AKAP6: variants seen among roughly 807,000 people sequenced by gnomAD.
AKAP6 encodes A-kinase anchor protein 6.
Under a neutral mutation model 188.5 loss-of-function variants are expected in AKAP6, and 58 were observed. The observed-to-expected ratio is 0.31, with a 90% CI of 0.25 to 0.38. The LOEUF is 0.38. Ranked by LOEUF, AKAP6 falls within the 10% of genes least tolerant of loss-of-function variation. The pLI is 1.00. For missense variants in AKAP6, 2,710 were observed against 2,740.0 expected, an observed-to-expected ratio of 0.99 and a Z score of 0.24; for synonymous variants, 989 against 998.6, an observed-to-expected ratio of 0.99 and a Z score of 0.18.
At chr14:32,565,490 C>T (rs751899974) in intron 4 of AKAP6, among the ~76,000 whole-genome samples, 21 of 152,164 alleles carry the variant, frequency 1.4e-4, no homozygotes, top group South Asian at 8.3e-4. Flanking sequence ...CAGGTTCTGC[C>T]CATGTCCACT....
At chr14:32,829,755 T>A (rs772184465) in intron 13 of AKAP6, 93 bp from the exon 14 acceptor site, 85 of 581,850 alleles carry the variant, frequency 1.5e-4, no homozygotes, top group Non-Finnish European at 2.5e-4. Flanking sequence ...AGTCCCACAA[T>A]TGCAGCCTTC....
intron 7 of AKAP6, among the ~76,000 whole-genome samples, chr14:32,641,449 G>A (rs1887749646): frequency 6.9e-6 from 1 of 144,672 alleles, no homozygotes; most frequent in African/African-American, 2.6e-5. Flanking sequence ...ACCAGCCTGG[G>A]CAAAATAGTG....
chr14:32,439,256 G>T (rs1890488387), intron 2 of AKAP6, among the ~76,000 whole-genome samples: 1 of 152,168 alleles, frequency 6.6e-6, no homozygotes, highest in African/African-American at 2.4e-5. Flanking sequence ...AAAAAGGATT[G>T]AATCCTCTCC....
In AKAP6 at chr14:32,546,538, G is replaced by T; in HGVS notation, c.1885G>T (p.Glu629Ter). 6.2e-7 allele frequency: 1 copy of T among 1,614,128 alleles called. No individual in the cohort carries two copies. The highest frequency in any genetic ancestry group is 8.5e-7 in the Non-Finnish European group (1 of 1,180,008). The change falls in exon 4 of 14, where the codon GAA becomes TAA. Residue 629 changes from glutamate to a stop codon, truncating the protein, a stop_gained. Transcript: ENST00000280979. LOFTEE classifies it high-confidence loss of function. Reference sequence around the variant, plus strand: ...TGTGGAGGCCTGGTATGGCTCTGATGAATACCTAGCACTGCCCTCTCACCT... The same window carrying T: ...TGTGGAGGCCTGGTATGGCTCTGATTAATACCTAGCACTGCCCTCTCACCT... Reference protein sequence around the residue: ...EVVEAWYGSDEYLALPSHLKQ... With the variant: ...EVVEAWYGSD
rs182107700 is a variant in AKAP6 at position 32,440,773 on chromosome 14, A to G, written c.324+6956A>G. On this transcript the variant is annotated intron_variant, in intron 2 of 13. Coordinates refer to ENST00000280979, the MANE Select transcript of AKAP6 (RefSeq NM_004274.5). ...CCAAATCTCTGAAAATTGGAAGATG[A>G]GGTTGATGTATTTGTTGATGGGTAT... Among the ~76,000 whole-genome samples the G allele has an allele frequency of 4.6e-5, 7 of 152,324 alleles. No homozygotes were observed. In the East Asian group the frequency reaches 1.3e-3, roughly 29 times the overall value.
intron 2 of AKAP6, among the ~76,000 whole-genome samples, chr14:32,510,479 T>TATATATGTGTTTATATATATATAC (rs1566547015): frequency 1.0e-5 from 1 of 97,916 alleles, no homozygotes; most frequent in Non-Finnish European, 2.1e-5. Flanking sequence ...TATATATACA[T>TATATATGTGTTTATATATATATAC]ATATATATGT....
rs2034806072 is a variant in AKAP6, at chr14:32,830,795, A to C, written c.*990A>C. 6.6e-6 allele frequency: 1 copy of C among 152,656 alleles called. No individual in the cohort carries two copies. The highest frequency in any genetic ancestry group is 2.1e-4 in the South Asian group (1 of 4,836). 9.5% of individuals were successfully genotyped at this position (152,656 alleles called of 1,614,324 possible). ...TAATTAAAATTGGCATAATAAACAC[A>C]GATTATTGGGGGAAAAGGAAAATTA... is the stretch of plus-strand genomic sequence containing the variant. On this transcript the variant is annotated 3_prime_UTR_variant, in exon 14 of 14. Coordinates refer to ENST00000280979, the MANE Select transcript of AKAP6 (RefSeq NM_004274.5).
intron 3 of AKAP6, among the ~76,000 whole-genome samples, chr14:32,540,131 G>GCGCTCTCTCT (rs1306141242): frequency 4.5e-5 from 3 of 66,480 alleles, no homozygotes; most frequent in African/African-American, 2.6e-4. Flanking sequence ...TTGCTCGTGC[G>GCGCTCTCTCT]CTCTCTCTCT....
chr14:32,740,878 TG>T (rs1376514801), intron 11 of AKAP6, among the ~76,000 whole-genome samples: 2 of 152,162 alleles, frequency 1.3e-5, no homozygotes, highest in East Asian at 1.9e-4. Context: ...ATTTTAAAAT[TG>T]TTTTTTCCAT....
intron 11 of AKAP6, among the ~76,000 whole-genome samples, chr14:32,751,389 CTTTT>C (rs1326512151): frequency 1.3e-5 from 2 of 150,932 alleles, no homozygotes; most frequent in African/African-American, 4.9e-5. Flanking sequence ...GCTAATGATT[CTTTT>C]GGAATTTATA....
intron 5 of AKAP6, among the ~76,000 whole-genome samples, chr14:32,588,165 A>G (rs1239292640): frequency 6.6e-6 from 1 of 152,240 alleles, no homozygotes; most frequent in Admixed American, 6.5e-5. Context: ...AAATGCATAC[A>G]CTTTAAGGAT....
chr14:32,500,813 A>C (rs1880573681), intron 2 of AKAP6, among the ~76,000 whole-genome samples: 1 of 152,176 alleles, frequency 6.6e-6, no homozygotes, highest in South Asian at 2.1e-4. Flanking sequence ...CATAGTCACC[A>C]CCATATCATA....
At chr14:32,516,377 T>C (rs1881522257) in intron 2 of AKAP6, among the ~76,000 whole-genome samples, 1 of 152,174 alleles carries the variant, frequency 6.6e-6, no homozygotes, top group Admixed American at 6.5e-5. Context: ...TAAAACTGTA[T>C]AATATGAACT....
At chr14:32,784,011 G>A (rs1013738757) in intron 12 of AKAP6, among the ~76,000 whole-genome samples, 2 of 152,030 alleles carry the variant, frequency 1.3e-5, no homozygotes, top group African/African-American at 4.8e-5. Flanking sequence ...ATATATTTTG[G>A]AAAATTATGG....
At chr14:32,330,392 A>G (rs921245033) in intron 1 of AKAP6, among the ~76,000 whole-genome samples, 3 of 152,040 alleles carry the variant, frequency 2.0e-5, no homozygotes, top group Non-Finnish European at 4.4e-5. Flanking sequence ...TATTTTCTAA[A>G]AAATTAGTCT....
intron 1 of AKAP6, among the ~76,000 whole-genome samples, chr14:32,413,538 T>TA (rs1889562138): frequency 6.6e-6 from 1 of 152,252 alleles, no homozygotes; most frequent in South Asian, 2.1e-4. Context: ...ACCTCACAGT[T>TA]ACTGAATCAC....
chr14:32,670,671 G>A (rs1462604419), intron 7 of AKAP6, among the ~76,000 whole-genome samples: 1 of 151,952 alleles, frequency 6.6e-6, no homozygotes, highest in Non-Finnish European at 1.5e-5. Context: ...CTCTGCCATT[G>A]TTGGTGTCTC....
intron 1 of AKAP6, among the ~76,000 whole-genome samples, chr14:32,408,942 G>A (rs1889386045): frequency 1.3e-5 from 2 of 152,180 alleles, no homozygotes; most frequent in Non-Finnish European, 2.9e-5. Context: ...TATATCGCCT[G>A]TAATCCCAGC....
intron 2 of AKAP6, among the ~76,000 whole-genome samples, chr14:32,477,345 T>A (rs68042320): frequency 0.29 from 43,424 of 152,154 alleles, 7,215 homozygotes; most frequent in South Asian, 0.46. Context: ...TGCCTGGAAT[T>A]TCCATTGAAG....
Sources: gnomAD v4.1 joint callset for allele counts (sites outside exome capture counted in the v4.1 genomes callset) on GRCh38, gnomAD v4.1.1 for gene constraint, MANE v1.5 for transcripts, NCBI Gene and HGNC (gene_info 2026-07-23, HGNC 2026-07-21) for gene names.